The following ELFN1 variants were observed in gnomAD, a reference collection of about 807,000 sequenced individuals.
ELFN1 encodes protein ELFN1.
A neutral mutation model predicts 7.6 loss-of-function variants in ELFN1; 6 were observed. The ratio of observed to expected loss-of-function variants is 0.79; its 90% CI spans 0.43 to 1.56. The LOEUF (loss-of-function observed/expected upper bound fraction) is 1.56, where lower values mean the gene tolerates loss of function less well. Ranked by LOEUF, ELFN1 falls within the 40% of genes most tolerant of loss-of-function variation. The pLI is 0.01. For synonymous variants in ELFN1, 657 were observed against 588.1 expected (o/e 1.12, Z -1.70); for missense variants, 1,169 against 1,232.2 (o/e 0.95, Z 0.77).
At position 1,746,039 on chromosome 7, in the gene ELFN1, C is replaced by T; in HGVS notation, c.1443C>T (p.Ala481=). 1 of 1,546,196 alleles carries T rather than the reference C, an allele frequency of 6.5e-7. No individual in the cohort carries two copies. Among genetic ancestry groups the T allele is most frequent in the African/African-American group, 1.4e-5 (1 of 73,052 alleles). The change falls in exon 4 of 4, where the codon GCC becomes GCT. Residue 481 remains alanine, a synonymous_variant. Transcript: ENST00000424383. ...CAGAGCTGGAGGCGCCCGGCCTGGC[C>T]CCGCTGTCCCAGGGCCCGCTGCTGG... ...YGPELEAPGL[A]PLSQGPLLGP... is the part of the protein sequence containing the mutation.
In ELFN1 at chr7:1,736,242, G is replaced by A. The variant is rs538945860; in HGVS notation, c.-293-8062G>A. Among the ~76,000 whole-genome samples the A allele has an allele frequency of 9.9e-5, 15 of 152,206 alleles. No homozygotes were observed. The East Asian group carries it at 2.9e-3, about 29-fold the overall frequency. On this transcript the variant is annotated intron_variant, in intron 3 of 3. Coordinates refer to ENST00000424383, the MANE Select transcript of ELFN1 (RefSeq NM_001128636.4). ...AACATTGGAACGATGAAAAGTTATCGATCTATAGCTTTCCAACCATCTCCC... is the reference window on the plus strand; with the variant it reads ...AACATTGGAACGATGAAAAGTTATCAATCTATAGCTTTCCAACCATCTCCC...
chr7:1,745,204 G>T lies in ELFN1; in HGVS notation c.608G>T (p.Arg203Leu). The change falls in exon 4 of 4, where the codon CGC becomes CTC. Residue 203 changes from arginine to leucine, a missense_variant. Physicochemically the swap from Arg to Leu is moderately radical, Grantham distance 102. Transcript: ENST00000424383. ...TCCTGCGAGCTGCTGGGCTTCCTGC[G>T]CTGGCTGGCCGCCTTCACCAACGCC... ...YCSCELLGFL[R>L]WLAAFTNATQ... is the part of the protein sequence containing the mutation. 6.5e-7 allele frequency: 1 copy of T among 1,544,562 alleles called. No homozygotes were observed. The highest frequency in any genetic ancestry group is 8.7e-7 in the Non-Finnish European group (1 of 1,146,914).
chr7:1,687,932 T>C (rs1176892104), intron 1 of ELFN1, among the ~76,000 whole-genome samples, 126 bp from the exon 2 acceptor site: 1 of 152,166 alleles, frequency 6.6e-6, no homozygotes, highest in Non-Finnish European at 1.5e-5. Flanking sequence ...GGTCTTACTA[T>C]GTTGCCCAGA....
chr7:1,696,547 A>G (rs1275104671), intron 2 of ELFN1, among the ~76,000 whole-genome samples: 1 of 152,046 alleles, frequency 6.6e-6, no homozygotes, highest in Non-Finnish European at 1.5e-5. Context: ...GCGTGCCACC[A>G]CACCCATGCA....
Position 1,724,491 on chromosome 7 carries a change from A to G in ELFN1, c.-294+15239A>G, listed in dbSNP as rs781497745. ...CTTGTGGAGATGAATTTGACCCTCA[A>G]TCAGTCCAGCAGGAGGGAAGGCTTG... is the stretch of plus-strand genomic sequence containing the variant. On this transcript the variant is annotated intron_variant, in intron 3 of 3. Coordinates refer to ENST00000424383, the MANE Select transcript of ELFN1 (RefSeq NM_001128636.4). 3.9e-5 allele frequency among the ~76,000 whole-genome samples: 6 copies of G among 152,090 alleles called. No individual in the cohort carries two copies. The East Asian group carries it at 7.7e-4, about 20-fold the overall frequency.
At chr7:1,713,754 G>T (rs12671076) in intron 3 of ELFN1, among the ~76,000 whole-genome samples, 3 of 152,120 alleles carry the variant, frequency 2.0e-5, no homozygotes, top group Middle Eastern at 3.2e-3. Flanking sequence ...TCTGGGGAGG[G>T]GGGGGCGATG....
At chr7:1,706,153 C>T (rs369908565) in intron 2 of ELFN1, among the ~76,000 whole-genome samples, 8 of 152,180 alleles carry the variant, frequency 5.3e-5, no homozygotes, top group Non-Finnish European at 1.0e-4. Flanking sequence ...GGCTGGGCAC[C>T]GTGGCTCACG....
intron 2 of ELFN1, among the ~76,000 whole-genome samples, chr7:1,696,434 C>T (rs1231366868): frequency 5.3e-5 from 8 of 150,804 alleles, no homozygotes; most frequent in African/African-American, 9.8e-5. Context: ...CTCTGTCACC[C>T]GGGCTGGAGT....
intron 2 of ELFN1, among the ~76,000 whole-genome samples, chr7:1,690,285 A>AGGTGGATG (rs1313284046): frequency 6.8e-6 from 1 of 147,570 alleles, no homozygotes; most frequent in Non-Finnish European, 1.5e-5. Flanking sequence ...GTAGGTGGAT[A>AGGTGGATG]GGTGGATGGG....
At chr7:1,724,608 C>G (rs1343595559) in intron 3 of ELFN1, among the ~76,000 whole-genome samples, 1 of 152,202 alleles carries the variant, frequency 6.6e-6, no homozygotes, top group Non-Finnish European at 1.5e-5. Context: ...TTGTGACCCC[C>G]ACCCGGACCC....
upstream of ELFN1, among the ~76,000 whole-genome samples, chr7:1,667,965 TGGG>T (rs201869702): frequency 2.2e-5 from 1 of 44,810 alleles, no homozygotes. This position sits in a 1 kb window ranked among gnomAD's most constrained non-coding sequence, Gnocchi z 8.2. Context: ...CCGCTCGGGG[TGGG>T]GGGGGGGGGC....
At chr7:1,693,475 G>A (rs553339759) in intron 2 of ELFN1, 34 of 471,180 alleles carry the variant, frequency 7.2e-5, no homozygotes, top group South Asian at 3.7e-4. Flanking sequence ...AGACAGGTGC[G>A]TGCCGCAGGG....
At chr7:1,711,498 C>A (rs1383333990) in intron 3 of ELFN1, among the ~76,000 whole-genome samples, 1 of 148,842 alleles carries the variant, frequency 6.7e-6, no homozygotes, top group Non-Finnish European at 1.5e-5. Context: ...AATATAGAGA[C>A]TTCCAGAAAG....
chr7:1,700,472 A>T (rs1779403856), intron 2 of ELFN1, among the ~76,000 whole-genome samples: 1 of 152,038 alleles, frequency 6.6e-6, no homozygotes, highest in African/African-American at 2.4e-5. Context: ...TTCCCTTCTG[A>T]CCTCGTTCTT....
chr7:1,745,214 C>A lies in ELFN1; in HGVS notation c.618C>A (p.Ala206=), dbSNP rs779388231. Residue 206 remains alanine, a synonymous_variant, in exon 4 of 4, where the codon GCC becomes GCA. Coordinates refer to ENST00000424383, the MANE Select transcript of ELFN1 (RefSeq NM_001128636.4). ...TGCTGGGCTTCCTGCGCTGGCTGGC[C>A]GCCTTCACCAACGCCACACAGACGT... The part of the protein sequence containing the change: ...CELLGFLRWL[A]AFTNATQTYD... 1 of 1,543,382 alleles carries A rather than the reference C, an allele frequency of 6.5e-7. No homozygotes were observed. The highest frequency in any genetic ancestry group is 1.2e-5 in the South Asian group (1 of 84,052).
At position 1,679,919 on chromosome 7, in the gene ELFN1, G is replaced by A. The variant is rs186340631; in HGVS notation, c.-548-8139G>A. ...CCCTGGCACCCAGATCACCATCCTC[G>A]AGGAAAGGAGAGGGCAGGGACAGAG... is the stretch of plus-strand genomic sequence containing the variant. On this transcript the variant is annotated intron_variant, in intron 1 of 3. Coordinates refer to ENST00000424383, the MANE Select transcript of ELFN1 (RefSeq NM_001128636.4). 9.3e-4 allele frequency among the ~76,000 whole-genome samples: 142 copies of A among 152,360 alleles called. No individual in the cohort carries two copies. In the Middle Eastern group the frequency reaches 0.017, roughly 18 times the overall value.
chr7:1,719,482 GACAC>G (rs1253613209), intron 3 of ELFN1, among the ~76,000 whole-genome samples: 3 of 152,228 alleles, frequency 2.0e-5, no homozygotes, highest in Non-Finnish European at 4.4e-5. Context: ...GGGCCCTCTG[GACAC>G]ACCCACCCCT....
intron 3 of ELFN1, among the ~76,000 whole-genome samples, chr7:1,733,966 C>T (rs958680212): frequency 4.6e-5 from 7 of 152,160 alleles, no homozygotes; most frequent in African/African-American, 1.7e-4. Flanking sequence ...ACAGAATCTG[C>T]AAGCTTGAGA....
Position 1,695,919 on chromosome 7 carries a change from C to T in ELFN1, c.-456+7769C>T, listed in dbSNP as rs139388709. On this transcript the variant is annotated intron_variant, in intron 2 of 3. Coordinates refer to ENST00000424383, the MANE Select transcript of ELFN1 (RefSeq NM_001128636.4). This position sits in a 1 kb window ranked among gnomAD's most constrained non-coding sequence, Gnocchi z 5.1. The stretch of plus-strand genomic sequence containing the variant: ...CATTTATTAAATACCTACTGTATGC[C>T]GAGCCCCAGGCTGGTTTAGATGTGG... Among the ~76,000 whole-genome samples the T allele has an allele frequency of 2.7e-4, 41 of 152,184 alleles. 1 individual carries two copies. The East Asian group carries it at 7.2e-3, about 27-fold the overall frequency.
Sources: allele counts gnomAD v4.1 joint callset (sites outside exome capture counted in the v4.1 genomes callset), GRCh38; gene constraint gnomAD v4.1.1; non-coding constraint Gnocchi (gnomAD v3.1); transcripts MANE v1.5; gene names NCBI Gene and HGNC (gene_info 2026-07-23, HGNC 2026-07-21).